Variants in CFAP299 observed in about 807,000 individuals in gnomAD.
CFAP299 encodes cilia- and flagella-associated protein 299.
Under a neutral mutation model 27.0 loss-of-function variants are expected in CFAP299, and 21 were observed. The observed-to-expected ratio is 0.78, with a 90% CI of 0.55 to 1.12. The LOEUF is 1.12. Among genes scored for constraint, CFAP299 ranks in the 50% most tolerant of loss-of-function variants. The probability of loss-of-function intolerance (pLI) is 0.00; values close to 1 mark genes in which losing one functional copy is unlikely to be tolerated. For missense variants in CFAP299, 310 were observed against 276.6 expected, an observed-to-expected ratio of 1.12 and a Z score of -0.86; for synonymous variants, 104 against 98.1, an observed-to-expected ratio of 1.06 and a Z score of -0.36.
At chr4:80,801,183 TG>T (rs1406850276) in intron 3 of CFAP299, among the ~76,000 whole-genome samples, 2 of 150,662 alleles carry the variant, frequency 1.3e-5, no homozygotes, top group African/African-American at 4.9e-5. Context: ...CATCACACTA[TG>T]GTTTTTTTTT....
intron 2 of CFAP299, among the ~76,000 whole-genome samples, chr4:80,482,545 T>C (rs766078672): frequency 1.3e-5 from 2 of 152,074 alleles, no homozygotes; most frequent in Non-Finnish European, 2.9e-5. Context: ...CAGTAGAGAA[T>C]AGATGAAGGA....
At chr4:80,413,086 GAA>G (rs1353338503) in intron 2 of CFAP299, among the ~76,000 whole-genome samples, 1 of 152,202 alleles carries the variant, frequency 6.6e-6, no homozygotes, top group East Asian at 1.9e-4. Flanking sequence ...ACTTGTGTGA[GAA>G]GAGAGTGGAC....
At chr4:80,440,308 G>T (rs1225334868) in intron 2 of CFAP299, among the ~76,000 whole-genome samples, 1 of 121,506 alleles carries the variant, frequency 8.2e-6, no homozygotes. Context: ...GAGAGCTCCG[G>T]CTGGCATCTG....
At chr4:80,828,488 T>C (rs145562354) in intron 3 of CFAP299, among the ~76,000 whole-genome samples, 35 of 152,210 alleles carry the variant, frequency 2.3e-4, no homozygotes, top group African/African-American at 7.0e-4. Context: ...TCCCCAATGC[T>C]GGAGGCAGGG....
intron 3 of CFAP299, among the ~76,000 whole-genome samples, chr4:80,799,209 T>A (rs868314473): frequency 1.9e-3 from 213 of 111,722 alleles, no homozygotes; most frequent in South Asian, 9.3e-3. Flanking sequence ...TATTTATATA[T>A]ATATTGTATA....
intron 4 of CFAP299, among the ~76,000 whole-genome samples, chr4:80,876,714 AT>A (rs879406819): frequency 5.3e-5 from 8 of 151,962 alleles, no homozygotes; most frequent in Non-Finnish European, 8.8e-5. Context: ...CACTGCCATT[AT>A]TTTTTTTAAT....
At chr4:80,860,845 C>A (rs1205386086) in intron 3 of CFAP299, among the ~76,000 whole-genome samples, 1 of 152,164 alleles carries the variant, frequency 6.6e-6, no homozygotes, top group East Asian at 1.9e-4. Context: ...AGTTAGGCTG[C>A]TCAGGGGTCA....
intron 2 of CFAP299, among the ~76,000 whole-genome samples, chr4:80,418,540 G>T (rs1480877079): frequency 6.6e-6 from 1 of 151,734 alleles, no homozygotes; most frequent in Non-Finnish European, 1.5e-5. Context: ...TACAGAACTC[G>T]ATTATTAGTT....
intron 4 of CFAP299, among the ~76,000 whole-genome samples, chr4:80,916,244 T>C (rs536891828): frequency 1.4e-4 from 16 of 112,830 alleles, no homozygotes; most frequent in Middle Eastern, 5.1e-3. Context: ...TCTGGGCAAC[T>C]AGACTGAAAT....
At chr4:80,668,158 A>AAT (rs1553946478) in intron 3 of CFAP299, among the ~76,000 whole-genome samples, 9 of 149,676 alleles carry the variant, frequency 6.0e-5, no homozygotes, top group African/African-American at 1.5e-4. Flanking sequence ...TTTTAAATAA[A>AAT]TTTTTTTTTT....
chr4:80,753,341 G>A lies in CFAP299; in HGVS notation c.334-116652G>A, dbSNP rs192711855. 1.3e-3 allele frequency among the ~76,000 whole-genome samples: 191 copies of A among 151,932 alleles called. 1 individual carries two copies. Among genetic ancestry groups the A allele is most frequent in the African/African-American group, 4.5e-3 (187 of 41,462 alleles). Reference sequence around the variant, plus strand: ...CATCATCTTATGGTTTATATAATTTGTCTTATATAATTCTTCTGTAATTAC... The same window carrying A: ...CATCATCTTATGGTTTATATAATTTATCTTATATAATTCTTCTGTAATTAC... On this transcript the variant is annotated intron_variant, in intron 3 of 5. Coordinates refer to ENST00000358105, the MANE Select transcript of CFAP299 (RefSeq NM_152770.3).
intron 2 of CFAP299, among the ~76,000 whole-genome samples, chr4:80,400,589 C>T (rs957361172): frequency 1.3e-5 from 2 of 152,152 alleles, no homozygotes; most frequent in African/African-American, 4.8e-5. Flanking sequence ...TTTCACCTCC[C>T]ATCATGATTC....
chr4:80,808,299 T>A (rs62302214), intron 3 of CFAP299, among the ~76,000 whole-genome samples: 5,029 of 152,218 alleles, frequency 0.033, 124 homozygotes, highest in Non-Finnish European at 0.053. Flanking sequence ...GAAGAAAGAA[T>A]CTGCCTTCAT....
chr4:80,849,711 C>T (rs1731401250), intron 3 of CFAP299, among the ~76,000 whole-genome samples: 1 of 151,822 alleles, frequency 6.6e-6, no homozygotes, highest in Non-Finnish European at 1.5e-5. Flanking sequence ...TTACCAGAGG[C>T]TAGGGAGGGT....
At chr4:80,678,004 T>C (rs1719580321) in intron 3 of CFAP299, among the ~76,000 whole-genome samples, 1 of 152,104 alleles carries the variant, frequency 6.6e-6, no homozygotes, top group African/African-American at 2.4e-5. Flanking sequence ...AAATCCCCAT[T>C]TCAGTAAATA....
chr4:80,518,456 G>A (rs748334341), intron 2 of CFAP299, among the ~76,000 whole-genome samples: 3 of 152,130 alleles, frequency 2.0e-5, no homozygotes, highest in Non-Finnish European at 2.9e-5. Context: ...TTACACTTGC[G>A]AGTTCCGTAC....
At chr4:80,533,999 G>A (rs1733602102) in intron 2 of CFAP299, among the ~76,000 whole-genome samples, 1 of 152,066 alleles carries the variant, frequency 6.6e-6, no homozygotes, top group South Asian at 2.1e-4. Context: ...CATGTTCAGA[G>A]TTATCAGGGA....
intron 3 of CFAP299, among the ~76,000 whole-genome samples, chr4:80,859,553 T>A (rs1362330034): frequency 6.6e-6 from 1 of 152,218 alleles, no homozygotes; most frequent in Non-Finnish European, 1.5e-5. Flanking sequence ...TGGTACTGGT[T>A]GTTCCTTTCC....
At position 80,430,342 on chromosome 4, in the gene CFAP299, T is replaced by C. The variant is rs1727749319; in HGVS notation, c.242+67458T>C. Among the ~76,000 whole-genome samples, 3 of 152,334 alleles carry C rather than the reference T, an allele frequency of 2.0e-5. No individual in the cohort carries two copies. In the South Asian group the frequency reaches 6.2e-4, roughly 32 times the overall value. Reference sequence around the variant, plus strand: ...TTGACTTGTCGGCAGCATTTGACACTGCTGATCTATTTCTCTGCCTTGCAA... The same window carrying C: ...TTGACTTGTCGGCAGCATTTGACACCGCTGATCTATTTCTCTGCCTTGCAA... On this transcript the variant is annotated intron_variant, in intron 2 of 5. Coordinates refer to ENST00000358105, the MANE Select transcript of CFAP299 (RefSeq NM_152770.3).
Sources: allele counts gnomAD v4.1 joint callset (sites outside exome capture counted in the v4.1 genomes callset), GRCh38; gene constraint gnomAD v4.1.1; transcripts MANE v1.5; gene names NCBI Gene and HGNC (gene_info 2026-07-23, HGNC 2026-07-21).